Variants in KCTD10 observed in about 807,000 individuals in gnomAD.
The protein encoded by KCTD10 is potassium channel tetramerization domain containing 10.
KCTD10 carries 13 observed loss-of-function variants against 34.6 expected under a neutral mutation model. The ratio of observed to expected loss-of-function variants is 0.38; its 90% CI spans 0.24 to 0.60. KCTD10 has a LOEUF of 0.60. KCTD10 is among the 20% of genes least tolerant of loss of function. The probability of loss-of-function intolerance (pLI) is 0.66; values close to 1 mark genes in which losing one functional copy is unlikely to be tolerated. For synonymous variants in KCTD10, 156 were observed against 168.8 expected (o/e 0.92, Z 0.59); for missense variants, 256 against 420.3 (o/e 0.61, Z 3.42).
intron 2 of KCTD10, among the ~76,000 whole-genome samples, chr12:109,462,328 C>T (rs1873373826): frequency 6.6e-6 from 1 of 152,244 alleles, no homozygotes; most frequent in South Asian, 2.1e-4. Flanking sequence ...CCTCCAGCGG[C>T]TTCCACTTCC....
intron 3 of KCTD10, chr12:109,458,542 C>T (rs34768617): frequency 0.013 from 2,029 of 154,660 alleles, 21 homozygotes; most frequent in Non-Finnish European, 0.021. Flanking sequence ...GAGCGTTAAC[C>T]AAGGAGAGGG....
rs180779987 is a variant in KCTD10 at position 109,451,302 on chromosome 12, C to T, written c.*293G>A. The T allele has an allele frequency of 1.2e-4, 49 of 409,102 alleles. No homozygotes were observed. Among genetic ancestry groups the T allele is most frequent in the Non-Finnish European group, 1.9e-4 (44 of 230,840 alleles). The allele number at this position is 409,102 out of a possible 1,614,324, so 25.3% of individuals were successfully genotyped here. A position where few individuals can be genotyped will look rare whatever the true frequency, so the allele number is the denominator to read the frequency against. On this transcript the variant is annotated 3_prime_UTR_variant, in exon 7 of 7. Transcript: ENST00000228495. This position sits in a 1 kb window ranked among gnomAD's most constrained non-coding sequence, Gnocchi z 5.0. Reference sequence around the variant, plus strand: ...CAAAAGTTCTCACATACACTTCACACTCATTCATACTTTTCCTCTGAGAAC... The same window carrying T: ...CAAAAGTTCTCACATACACTTCACATTCATTCATACTTTTCCTCTGAGAAC...
At chr12:109,455,966 G>C in intron 6 of KCTD10, 152 bp downstream of exon 6, 1 of 775,546 alleles carries the variant, frequency 1.3e-6, no homozygotes, top group Non-Finnish European at 2.0e-6. Context: ...TCCTTGCAGG[G>C]CCTAAAAGAT....
At chr12:109,474,098 A>C (rs1874030480) in intron 1 of KCTD10, among the ~76,000 whole-genome samples, 1 of 151,910 alleles carries the variant, frequency 6.6e-6, no homozygotes, top group South Asian at 2.1e-4. Context: ...TATTTTTAGT[A>C]CAGACGGGAT....
intron 2 of KCTD10, chr12:109,464,972 T>C (rs969618473): frequency 3.3e-5 from 13 of 399,860 alleles, no homozygotes; most frequent in Non-Finnish European, 6.0e-5. Flanking sequence ...GGGTAAGATC[T>C]TAAAGCCATA....
intron 2 of KCTD10, among the ~76,000 whole-genome samples, chr12:109,463,602 G>A (rs544196817): frequency 6.6e-6 from 1 of 152,310 alleles, no homozygotes; most frequent in South Asian, 2.1e-4. Context: ...GACCCATTAG[G>A]CAAGGCTGGA....
intron 1 of KCTD10, among the ~76,000 whole-genome samples, chr12:109,474,037 T>A (rs908229993): frequency 3.3e-5 from 5 of 152,106 alleles, no homozygotes; most frequent in African/African-American, 1.2e-4. Context: ...TGCCTCGGCA[T>A]CCCAAAGTGC....
intron 6 of KCTD10, among the ~76,000 whole-genome samples, chr12:109,452,939 A>G (rs1872851336): frequency 6.6e-6 from 1 of 151,958 alleles, no homozygotes. Flanking sequence ...GGGGATTTAG[A>G]GACCACATGG....
intron 1 of KCTD10, among the ~76,000 whole-genome samples, chr12:109,474,848 G>A (rs925730217): frequency 6.6e-6 from 1 of 152,098 alleles, no homozygotes; most frequent in Non-Finnish European, 1.5e-5. Flanking sequence ...AGGAAAAAAC[G>A]CACCAAATCC....
At chr12:109,465,301 CA>C (rs1873540194) in intron 2 of KCTD10, among the ~76,000 whole-genome samples, 1 of 152,150 alleles carries the variant, frequency 6.6e-6, no homozygotes, top group Non-Finnish European at 1.5e-5. Context: ...GCTACGTAAG[CA>C]AAAGCAAAAC....
At chr12:109,475,271 C>T (rs924373708) in intron 1 of KCTD10, among the ~76,000 whole-genome samples, 16 of 151,528 alleles carry the variant, frequency 1.1e-4, no homozygotes, top group Admixed American at 3.3e-4. Flanking sequence ...CCCAGGAATT[C>T]GAGACCAGCC....
At chr12:109,471,071 T>G in intron 1 of KCTD10, 1 of 980,274 alleles carries the variant, frequency 1.0e-6, no homozygotes, top group Non-Finnish European at 1.2e-6. Flanking sequence ...GGTATGCTCC[T>G]CGTGCTTTTT....
intron 1 of KCTD10, among the ~76,000 whole-genome samples, chr12:109,475,661 TTATC>T (rs1194606628): frequency 6.6e-6 from 1 of 152,106 alleles, no homozygotes; most frequent in Non-Finnish European, 1.5e-5. Context: ...TTAACCAGCT[TTATC>T]TAAGAGTTGC....
intron 5 of KCTD10, 88 bp downstream of exon 5, chr12:109,457,542 C>A (rs1873079508): frequency 1.8e-6 from 2 of 1,128,796 alleles, no homozygotes; most frequent in Middle Eastern, 2.1e-4. Flanking sequence ...TCATCCTCAT[C>A]TGAAGGTACG....
chr12:109,473,989 C>G (rs1308341299), intron 1 of KCTD10, among the ~76,000 whole-genome samples: 1 of 152,120 alleles, frequency 6.6e-6, no homozygotes, highest in Non-Finnish European at 1.5e-5. Flanking sequence ...CCATGTTGGT[C>G]AGGCTGGTCT....
At chr12:109,463,753 G>A (rs1327408163) in intron 2 of KCTD10, among the ~76,000 whole-genome samples, 1 of 152,206 alleles carries the variant, frequency 6.6e-6, no homozygotes, top group Non-Finnish European at 1.5e-5. Context: ...ATTAACCTCT[G>A]TCTAGCAGTT....
chr12:109,458,398 T>C (rs1456021347), intron 3 of KCTD10: 5 of 243,194 alleles, frequency 2.1e-5, no homozygotes, highest in African/African-American at 6.8e-5. Flanking sequence ...CAAAAGCTCC[T>C]AAAACCCCAC....
chr12:109,456,158 CA>C lies in KCTD10; in HGVS notation c.682del (p.Cys228ValfsTer27). The C allele has an allele frequency of 6.2e-7, 1 of 1,614,152 alleles. No individual in the cohort carries two copies. The highest frequency in any genetic ancestry group is 8.5e-7 in the Non-Finnish European group (1 of 1,180,032). ...GQGRKIAEVC[C>X]TSIVYATEKK... ...CTCAGTGGCATAGACGATGGAGGTACAACAGACTTCAGCAATCTTCCGGCCC... is the reference window on the plus strand; with the variant it reads ...CTCAGTGGCATAGACGATGGAGGTACACAGACTTCAGCAATCTTCCGGCCC... On this transcript the variant is annotated frameshift_variant, in exon 6 of 7. Transcript: ENST00000228495. LOFTEE classifies it high-confidence loss of function.
At position 109,457,625 on chromosome 12, in the gene KCTD10, C is replaced by T; in HGVS notation, c.527+5G>A. ...TGGAGCTGTCTTTCCCGGCTGACGC[C>T]TTACCTGGTATATGAGTATTTGTTG... On this transcript the variant is annotated splice_donor_5th_base_variant and intron_variant, in intron 5 of 6. Coordinates refer to ENST00000228495, the MANE Select transcript of KCTD10 (RefSeq NM_031954.5). The T allele has an allele frequency of 6.2e-7, 1 of 1,614,094 alleles. No individual in the cohort carries two copies.
Sources: gnomAD v4.1 joint callset for allele counts (sites outside exome capture counted in the v4.1 genomes callset) on GRCh38, gnomAD v4.1.1 for gene constraint, Gnocchi (gnomAD v3.1) non-coding constraint, MANE v1.5 for transcripts, NCBI Gene and HGNC (gene_info 2026-07-23, HGNC 2026-07-21) for gene names.